The following ITSN1 variants were observed in gnomAD, a reference collection of about 807,000 sequenced individuals.
ITSN1 encodes the protein intersectin 1.
A neutral mutation model predicts 239.8 loss-of-function variants in ITSN1; 58 were observed. That is an observed-to-expected ratio of 0.24 (90% CI 0.20 to 0.30). The LOEUF (loss-of-function observed/expected upper bound fraction) is 0.30. Among genes scored for constraint, ITSN1 ranks in the 10% least tolerant of loss-of-function variants. The probability of loss-of-function intolerance (pLI) is 1.00; values close to 1 mark genes in which losing one functional copy is unlikely to be tolerated. For synonymous variants in ITSN1, 780 were observed against 770.8 expected, an observed-to-expected ratio of 1.01 and a Z score of -0.20; for missense variants, 1,558 against 2,103.3, an observed-to-expected ratio of 0.74 and a Z score of 5.07.
intron 16 of ITSN1, among the ~76,000 whole-genome samples, chr21:33,790,696 A>G (rs543638237): frequency 6.6e-6 from 1 of 152,318 alleles, no homozygotes; most frequent in African/African-American, 2.4e-5. Flanking sequence ...AACTGTGACA[A>G]ATTCCATGTG....
chr21:33,877,860 T>TGC (rs1555971235), intron 34 of ITSN1, among the ~76,000 whole-genome samples: 9 of 145,994 alleles, frequency 6.2e-5, no homozygotes, highest in Non-Finnish European at 1.2e-4. Flanking sequence ...TGTGTGTGTG[T>TGC]GCCAGTTTTC....
chr21:33,673,574 G>A (rs1401917026), intron 1 of ITSN1, among the ~76,000 whole-genome samples: 4 of 151,158 alleles, frequency 2.6e-5, no homozygotes, highest in Admixed American at 2.6e-4. Context: ...TGGCCTTGGT[G>A]ATTTAATCTC....
intron 5 of ITSN1, among the ~76,000 whole-genome samples, chr21:33,744,168 G>A (rs2067039974): frequency 6.6e-6 from 1 of 152,138 alleles, no homozygotes; most frequent in Admixed American, 6.5e-5. Context: ...GAGCAGGACT[G>A]CATGCAAAAA....
At chr21:33,801,309 C>T (rs2071985832) in intron 19 of ITSN1, among the ~76,000 whole-genome samples, 1 of 152,168 alleles carries the variant, frequency 6.6e-6, no homozygotes, top group South Asian at 2.1e-4. Flanking sequence ...GCCATATACA[C>T]ATCATATCTG....
rs190265971 is a variant in ITSN1, at chr21:33,700,011, C to T, written c.-32-18786C>T. Reference sequence around the variant, plus strand: ...TCCTGGCCTCAAGAGATCCTCCTGCCTCAGCTTCCCAAAGTGCTAGGAGTA... The same window carrying T: ...TCCTGGCCTCAAGAGATCCTCCTGCTTCAGCTTCCCAAAGTGCTAGGAGTA... On this transcript the variant is annotated intron_variant, in intron 1 of 39. Transcript: ENST00000381318. 1.3e-4 allele frequency among the ~76,000 whole-genome samples: 20 copies of T among 152,102 alleles called. No individual in the cohort carries two copies. The East Asian group carries it at 3.5e-3, about 26-fold the overall frequency.
At chr21:33,720,006 A>C (rs570435918) in intron 2 of ITSN1, among the ~76,000 whole-genome samples, 2 of 152,332 alleles carry the variant, frequency 1.3e-5, no homozygotes, top group South Asian at 4.1e-4. Flanking sequence ...TGGTACAGAG[A>C]TCTGTAAACT....
At chr21:33,651,832 C>T (rs1221139533) in intron 1 of ITSN1, among the ~76,000 whole-genome samples, 1 of 152,150 alleles carries the variant, frequency 6.6e-6, no homozygotes, top group Non-Finnish European at 1.5e-5. Context: ...GGAAATCCTG[C>T]AGTAATCGTA....
intron 1 of ITSN1, among the ~76,000 whole-genome samples, chr21:33,667,879 G>A (rs939230712): frequency 6.6e-6 from 1 of 152,158 alleles, no homozygotes; most frequent in African/African-American, 2.4e-5. Context: ...TGCACTGATA[G>A]TGGTGGCAGT....
intron 1 of ITSN1, among the ~76,000 whole-genome samples, chr21:33,658,021 A>C (rs2089236311): frequency 6.6e-6 from 1 of 152,122 alleles, no homozygotes; most frequent in Non-Finnish European, 1.5e-5. Flanking sequence ...ACTCCCCCAA[A>C]ACGTAACTAC....
rs1303629600 is a variant in ITSN1 at position 33,892,875 on chromosome 21, A to G, written c.*4575A>G. 1 of 152,198 alleles carries G rather than the reference A, an allele frequency of 6.6e-6. No individual in the cohort carries two copies. Among genetic ancestry groups the G allele is most frequent in the Non-Finnish European group, 1.5e-5 (1 of 68,050 alleles). 9.4% of individuals were successfully genotyped at this position (152,198 alleles called of 1,614,324 possible). ...CTGCACTCATGAGGTGATATCGTAA[A>G]GCAGCAGAAAGACTGAGGGTGCAAA... On this transcript the variant is annotated 3_prime_UTR_variant, in exon 40 of 40. Transcript: ENST00000381318.
At chr21:33,820,897 C>T (rs948139816) in intron 24 of ITSN1, among the ~76,000 whole-genome samples, 5 of 152,124 alleles carry the variant, frequency 3.3e-5, no homozygotes, top group African/African-American at 1.2e-4. Context: ...AATCAAGGCT[C>T]ACTGGAGGGC....
chr21:33,833,724 A>G (rs12483079), intron 27 of ITSN1, among the ~76,000 whole-genome samples: 15,012 of 152,088 alleles, frequency 0.099, 1,164 homozygotes, highest in East Asian at 0.3. Context: ...AAACAAAATT[A>G]GCCGGGCATG....
At chr21:33,759,289 A>G (rs1056156557) in intron 8 of ITSN1, among the ~76,000 whole-genome samples, 3 of 152,196 alleles carry the variant, frequency 2.0e-5, no homozygotes, top group Non-Finnish European at 4.4e-5. Context: ...GTTGTAGATT[A>G]TTTTCCTCAT....
rs143069582 is a variant in ITSN1, at chr21:33,872,996, G to A, written c.4174-2358G>A. 1.1e-3 allele frequency among the ~76,000 whole-genome samples: 174 copies of A among 152,234 alleles called. No homozygotes were observed. In the East Asian group the frequency reaches 0.024, roughly 21 times the overall value. On this transcript the variant is annotated intron_variant, in intron 33 of 39. Coordinates refer to ENST00000381318, the MANE Select transcript of ITSN1 (RefSeq NM_003024.3). ...GGGTGGGTTCCTAGCCTGTAGTAGT[G>A]GTTCTCAGATTTGACTGCATGTTAG... is the stretch of plus-strand genomic sequence containing the variant.
At chr21:33,723,803 G>A (rs1199556667) in intron 4 of ITSN1, among the ~76,000 whole-genome samples, 1 of 152,140 alleles carries the variant, frequency 6.6e-6, no homozygotes, top group Non-Finnish European at 1.5e-5. Flanking sequence ...AGGACTTATT[G>A]TGGCTCCTGT....
chr21:33,898,065 G>A lies in ITSN1; in HGVS notation c.*9765G>A, dbSNP rs1043877632. On this transcript the variant is annotated 3_prime_UTR_variant, in exon 40 of 40. Coordinates refer to ENST00000381318, the MANE Select transcript of ITSN1 (RefSeq NM_003024.3). ...CATATCTGAGAGGGTACTTGTGTCA[G>A]GAAGGATGAGAGGATAGGGAGCCTG... 1.3e-5 allele frequency: 2 copies of A among 152,192 alleles called. No individual in the cohort carries two copies. Among genetic ancestry groups the A allele is most frequent in the African/African-American group, 4.8e-5 (2 of 41,434 alleles). 9.4% of individuals were successfully genotyped at this position (152,192 alleles called of 1,614,324 possible).
At chr21:33,780,321 A>G (rs2070057091) in intron 14 of ITSN1, among the ~76,000 whole-genome samples, 1 of 152,256 alleles carries the variant, frequency 6.6e-6, no homozygotes, top group Non-Finnish European at 1.5e-5. Flanking sequence ...AATGTAATGA[A>G]GTGAAAAATA....
At chr21:33,784,310 A>AACACACACACACACACAC (rs58496273) in intron 16 of ITSN1, among the ~76,000 whole-genome samples, 1,818 of 134,154 alleles carry the variant, frequency 0.014, 20 homozygotes, top group Middle Eastern at 0.026. Flanking sequence ...GTCTCTACAA[A>AACACACACACACACACAC]ACACACACAC....
intron 1 of ITSN1, among the ~76,000 whole-genome samples, chr21:33,718,442 GTTTACATAGCA>G (rs1391791591): frequency 6.6e-6 from 1 of 152,102 alleles, no homozygotes; most frequent in Admixed American, 6.5e-5. Context: ...AATAACAGTT[GTTTACATAGCA>G]TTTACCTTGT....
Sources: gnomAD v4.1 joint callset for allele counts (sites outside exome capture counted in the v4.1 genomes callset) on GRCh38, gnomAD v4.1.1 for gene constraint, MANE v1.5 for transcripts, NCBI Gene and HGNC (gene_info 2026-07-23, HGNC 2026-07-21) for gene names.